Variants in EFEMP1 observed in about 807,000 individuals in gnomAD.
The protein encoded by EFEMP1 is EGF-like fibulin extracellular matrix protein 1, also known as EGF-containing fibulin-like extracellular matrix protein 1.
A neutral mutation model predicts 65.7 loss-of-function variants in EFEMP1; 18 were observed. The observed-to-expected ratio is 0.27, with a 90% confidence interval of 0.19 to 0.41. The LOEUF (loss-of-function observed/expected upper bound fraction) is 0.41. EFEMP1 is among the 10% of genes least tolerant of loss of function. EFEMP1 has a pLI of 1.00. For synonymous variants in EFEMP1, 237 were observed against 219.7 expected (o/e 1.08, Z -0.70); for missense variants, 469 against 624.8 (o/e 0.75, Z 2.66).
chr2:55,876,604 T>C lies in EFEMP1; in HGVS notation c.880+19A>G. ...ACAGGAATTGGACTTTATTCCATACTATCTGGGAAGAGTTTTACCTTCACA... is the reference window on the plus strand; with the variant it reads ...ACAGGAATTGGACTTTATTCCATACCATCTGGGAAGAGTTTTACCTTCACA... On this transcript the variant is annotated intron_variant, in intron 8 of 11. Coordinates refer to ENST00000355426, the MANE Select transcript of EFEMP1 (RefSeq NM_001039348.3). The C allele has an allele frequency of 1.2e-6, 2 of 1,611,186 alleles. No individual in the cohort carries two copies. Among genetic ancestry groups the C allele is most frequent in the Middle Eastern group, 1.7e-4 (1 of 6,038 alleles).
rs1396529255 is a variant in EFEMP1 at position 55,917,281 on chromosome 2, T to C, written c.517+384A>G. 6.6e-6 allele frequency among the ~76,000 whole-genome samples: 1 copy of C among 152,150 alleles called. No homozygotes were observed. The highest frequency in any genetic ancestry group is 1.5e-5 in the Non-Finnish European group (1 of 68,028). The stretch of plus-strand genomic sequence containing the variant: ...CTCTGCACTTAGCACCTGTGTGACC[T>C]CTGGTTCTCAAACTTGGCCGCACAT... On this transcript the variant is annotated intron_variant, in intron 5 of 11. Coordinates refer to ENST00000355426, the MANE Select transcript of EFEMP1 (RefSeq NM_001039348.3). This position sits in a 1 kb window ranked among gnomAD's most constrained non-coding sequence, Gnocchi z 6.3.
chr2:55,895,698 C>T (rs949726426), intron 5 of EFEMP1, among the ~76,000 whole-genome samples: 2 of 152,000 alleles, frequency 1.3e-5, no homozygotes, highest in East Asian at 2.0e-4. Flanking sequence ...CCCGCCACCT[C>T]GCCCGGCTAA....
Position 55,922,480 on chromosome 2 carries a change from G to C in EFEMP1, c.-7-33C>G. 6.3e-7 allele frequency: 1 copy of C among 1,590,030 alleles called. No individual in the cohort carries two copies. The highest frequency in any genetic ancestry group is 8.6e-7 in the Non-Finnish European group (1 of 1,159,096). On this transcript the variant is annotated intron_variant, in intron 2 of 11. Coordinates refer to ENST00000355426, the MANE Select transcript of EFEMP1 (RefSeq NM_001039348.3). This position sits in a 1 kb window ranked among gnomAD's most constrained non-coding sequence, Gnocchi z 5.5. ...AAAATACAGGACAAACTAATGTTTA[G>C]TATCTGCTGCGGGGAAAGTAACAAA...
rs1264763879 is a variant in EFEMP1, at chr2:55,923,228, G to A, written c.-48-289C>T. Among the ~76,000 whole-genome samples the A allele has an allele frequency of 9.2e-5, 14 of 152,190 alleles. No homozygotes were observed. On this transcript the variant is annotated intron_variant, in intron 1 of 11. Transcript: ENST00000355426. This position sits in a 1 kb window ranked among gnomAD's most constrained non-coding sequence, Gnocchi z 5.3. Reference sequence around the variant, plus strand: ...CCCCGACACGCTACCTTCGGTTTCAGGCTGCCTAGGACCGGAACCAGGGAT... The same window carrying A: ...CCCCGACACGCTACCTTCGGTTTCAAGCTGCCTAGGACCGGAACCAGGGAT...
chr2:55,888,256 G>C (rs1292065576), intron 5 of EFEMP1, among the ~76,000 whole-genome samples: 2 of 149,608 alleles, frequency 1.3e-5, no homozygotes, highest in African/African-American at 4.9e-5. Flanking sequence ...TTAAATGATT[G>C]TTAATTGTTA....
intron 7 of EFEMP1, 49 bp from the exon 8 acceptor site, chr2:55,876,791 C>T: frequency 1.0e-5 from 11 of 1,099,554 alleles, no homozygotes; most frequent in Non-Finnish European, 1.4e-5. Flanking sequence ...TATATATACA[C>T]ACACATATAT....
In EFEMP1 at chr2:55,876,160, A is replaced by T. The variant is rs144763380; in HGVS notation, c.880+463T>A. Among the ~76,000 whole-genome samples the T allele has an allele frequency of 2.6e-5, 4 of 152,268 alleles. No homozygotes were observed. The East Asian group carries it at 7.7e-4, about 29-fold the overall frequency. On this transcript the variant is annotated intron_variant, in intron 8 of 11. Transcript: ENST00000355426. ...GCCCAAGTCACACAGTAGCAGGAATAGAACCAGAAACCAGATCTCCTGATT... is the reference window on the plus strand; with the variant it reads ...GCCCAAGTCACACAGTAGCAGGAATTGAACCAGAAACCAGATCTCCTGATT...
chr2:55,878,393 T>C (rs115697870), intron 6 of EFEMP1, among the ~76,000 whole-genome samples: 7 of 152,120 alleles, frequency 4.6e-5, no homozygotes, highest in Non-Finnish European at 7.4e-5. Context: ...TGTGGAAGAA[T>C]TGGATGCTAA....
intron 11 of EFEMP1, among the ~76,000 whole-genome samples, chr2:55,869,454 CAA>C (rs775034518): frequency 6.6e-6 from 1 of 151,626 alleles, no homozygotes; most frequent in Non-Finnish European, 1.5e-5. Context: ...CTTTTTTATT[CAA>C]AAAAATAATT....
At chr2:55,892,729 G>C (rs986735695) in intron 5 of EFEMP1, among the ~76,000 whole-genome samples, 1 of 152,136 alleles carries the variant, frequency 6.6e-6, no homozygotes, top group African/African-American at 2.4e-5. Context: ...TGTGTCTGCA[G>C]AGTACAAAGG....
Position 55,922,530 on chromosome 2 carries a change from G to A in EFEMP1, c.-7-83C>T. On this transcript the variant is annotated intron_variant, in intron 2 of 11. Transcript: ENST00000355426. The surrounding 1 kb of genome is among the most constrained non-coding windows in gnomAD (Gnocchi z 5.5). Reference sequence around the variant, plus strand: ...AACTTTAGCAGTGAGCACAAGCGAGGAAAGGAGGGTGGGAGAGGCTGAGGC... The same window carrying A: ...AACTTTAGCAGTGAGCACAAGCGAGAAAAGGAGGGTGGGAGAGGCTGAGGC... 1.6e-6 allele frequency: 2 copies of A among 1,281,424 alleles called. No homozygotes were observed. The highest frequency in any genetic ancestry group is 2.3e-6 in the Non-Finnish European group (2 of 886,614). 79.4% of individuals were successfully genotyped at this position (1,281,424 alleles called of 1,614,324 possible).
At chr2:55,906,631 G>T (rs1339545622) in intron 5 of EFEMP1, among the ~76,000 whole-genome samples, 1 of 152,142 alleles carries the variant, frequency 6.6e-6, no homozygotes, top group East Asian at 1.9e-4. Context: ...TTAACAAAAG[G>T]TGCCCACAGC....
intron 6 of EFEMP1, among the ~76,000 whole-genome samples, chr2:55,879,709 A>C (rs1245101812): frequency 1.3e-5 from 2 of 152,168 alleles, no homozygotes; most frequent in Non-Finnish European, 2.9e-5. Context: ...GCACCATGCT[A>C]CTTGAAGTGT....
intron 6 of EFEMP1, among the ~76,000 whole-genome samples, chr2:55,878,259 C>T (rs1414127348): frequency 1.3e-5 from 2 of 152,112 alleles, no homozygotes; most frequent in African/African-American, 4.8e-5. Flanking sequence ...GGGCTGTGCT[C>T]AACTGGTGAC....
rs547370544 is a variant in EFEMP1, at chr2:55,876,477, T to C, written c.880+146A>G. ...TCTTGGTAACACACTAAAAAGGCAA[T>C]GTAACAACTGAACTACATTAACTGG... On this transcript the variant is annotated intron_variant, in intron 8 of 11. Coordinates refer to ENST00000355426, the MANE Select transcript of EFEMP1 (RefSeq NM_001039348.3). The C allele has an allele frequency of 6.2e-6, 7 of 1,121,894 alleles. No homozygotes were observed. The East Asian group carries it at 1.4e-4, about 23-fold the overall frequency. 69.5% of individuals were successfully genotyped at this position (1,121,894 alleles called of 1,614,324 possible).
At chr2:55,890,764 A>G (rs1486470030) in intron 5 of EFEMP1, among the ~76,000 whole-genome samples, 1 of 152,122 alleles carries the variant, frequency 6.6e-6, no homozygotes, top group Non-Finnish European at 1.5e-5. Flanking sequence ...AAAATATTAC[A>G]GATCAAAATT....
At chr2:55,901,956 A>C (rs1670054756) in intron 5 of EFEMP1, among the ~76,000 whole-genome samples, 1 of 152,162 alleles carries the variant, frequency 6.6e-6, no homozygotes, top group East Asian at 1.9e-4. Context: ...AAGGTGGAAG[A>C]ATTTATGAGA....
intron 5 of EFEMP1, among the ~76,000 whole-genome samples, chr2:55,907,454 A>G (rs1211341958): frequency 6.6e-6 from 1 of 152,218 alleles, no homozygotes; most frequent in African/African-American, 2.4e-5. Context: ...CACATTTACA[A>G]ATTGTAAAAA....
intron 5 of EFEMP1, among the ~76,000 whole-genome samples, chr2:55,908,113 G>A (rs1192504887): frequency 2.0e-5 from 3 of 152,110 alleles, no homozygotes; most frequent in Non-Finnish European, 4.4e-5. Context: ...TCTACTTTGG[G>A]ACAAGATCAG....
Sources: allele counts gnomAD v4.1 joint callset (sites outside exome capture counted in the v4.1 genomes callset), GRCh38; gene constraint gnomAD v4.1.1; non-coding constraint Gnocchi (gnomAD v3.1); transcripts MANE v1.5; gene names NCBI Gene and HGNC (gene_info 2026-07-23, HGNC 2026-07-21).